Variants in MAML3 observed in about 807,000 individuals in gnomAD.
The protein encoded by MAML3 is mastermind-like protein 3.
A neutral mutation model predicts 101.9 loss-of-function variants in MAML3; 27 were observed. The observed-to-expected ratio is 0.27, with a 90% CI of 0.20 to 0.37. The LOEUF (loss-of-function observed/expected upper bound fraction) is 0.37, where lower values mean the gene tolerates loss of function less well. MAML3 is among the 10% of genes least tolerant of loss of function. The pLI is 1.00. For missense variants in MAML3, 1,316 were observed against 1,444.9 expected (o/e 0.91, Z 1.45); for synonymous variants, 501 against 555.9 (o/e 0.90, Z 1.39).
chr4:140,132,581 C>G (rs1332826782), intron 1 of MAML3, among the ~76,000 whole-genome samples: 1 of 152,208 alleles, frequency 6.6e-6, no homozygotes, highest in African/African-American at 2.4e-5. Flanking sequence ...GAACACTACT[C>G]AGAAGCAATT....
In MAML3 at chr4:140,130,420, G is replaced by C. The variant is rs577040259; in HGVS notation, c.468+22440C>G. Among the ~76,000 whole-genome samples, 3 of 152,310 alleles carry C rather than the reference G, an allele frequency of 2.0e-5. No individual in the cohort carries two copies. The South Asian group carries it at 6.2e-4, about 32-fold the overall frequency. On this transcript the variant is annotated intron_variant, in intron 1 of 4. Transcript: ENST00000509479. ...AGTGGTACAGTATTATGTTGTATGA[G>C]ATAGTCTCCTAGGAAGAAATTGAGA...
At chr4:140,116,531 G>A (rs908080774) in intron 1 of MAML3, among the ~76,000 whole-genome samples, 2 of 152,196 alleles carry the variant, frequency 1.3e-5, no homozygotes, top group Non-Finnish European at 1.5e-5. Flanking sequence ...CACAAGTCAC[G>A]TGGAGCCAAC....
intron 1 of MAML3, among the ~76,000 whole-genome samples, chr4:139,994,343 A>T (rs1398429787): frequency 6.6e-6 from 1 of 152,150 alleles, no homozygotes; most frequent in Non-Finnish European, 1.5e-5. Context: ...TGGGTTCTTA[A>T]TTTAACTTTC....
At chr4:139,815,893 C>T (rs10004279) in intron 2 of MAML3, among the ~76,000 whole-genome samples, 2,237 of 152,062 alleles carry the variant, frequency 0.015, 61 homozygotes, top group African/African-American at 0.051. Context: ...ATACGGACGA[C>T]GATGAGCATA....
intron 1 of MAML3, among the ~76,000 whole-genome samples, chr4:139,983,306 T>A (rs999931388): frequency 3.9e-5 from 6 of 152,184 alleles, no homozygotes; most frequent in Admixed American, 3.9e-4. Flanking sequence ...CTGTTTACCA[T>A]CTCCAAAGTT....
intron 1 of MAML3, among the ~76,000 whole-genome samples, chr4:140,148,942 G>A (rs1211403035): frequency 1.3e-5 from 2 of 152,130 alleles, no homozygotes; most frequent in Non-Finnish European, 2.9e-5. Context: ...CAGTGAAGAG[G>A]TCATGAAAAT....
At chr4:140,037,623 C>A (rs568918619) in intron 1 of MAML3, among the ~76,000 whole-genome samples, 15 of 152,226 alleles carry the variant, frequency 9.9e-5, no homozygotes, top group Admixed American at 4.6e-4. Flanking sequence ...CGCACGTCTT[C>A]ATTCAGCACA....
intron 1 of MAML3, among the ~76,000 whole-genome samples, chr4:140,003,018 C>T (rs1038756086): frequency 6.6e-6 from 1 of 152,188 alleles, no homozygotes; most frequent in South Asian, 2.1e-4. Flanking sequence ...TTTGGATGTC[C>T]AGAAGTCTGA....
At chr4:139,902,263 G>GCGCGCGCACA (rs1182551411) in intron 1 of MAML3, among the ~76,000 whole-genome samples, 62 of 63,942 alleles carry the variant, frequency 9.7e-4, no homozygotes, top group African/African-American at 1.6e-3. Flanking sequence ...GCACACACAC[G>GCGCGCGCACA]CACACACACA....
intron 1 of MAML3, among the ~76,000 whole-genome samples, chr4:139,953,967 A>G (rs966695618): frequency 2.9e-4 from 44 of 152,232 alleles, no homozygotes; most frequent in African/African-American, 1.1e-3. Context: ...CAAGTCAACC[A>G]CACACCTTCA....
Position 139,789,312 on chromosome 4 carries a change from T to C in MAML3, c.2080-58645A>G, listed in dbSNP as rs960115041. On this transcript the variant is annotated intron_variant, in intron 2 of 4. Coordinates refer to ENST00000509479, the MANE Select transcript of MAML3 (RefSeq NM_018717.5). ...TGTTCCACGGAAACACTGGGAGGAT[T>C]AGAATTGATTAGGGGTTGGGGTGGG... Among the ~76,000 whole-genome samples the C allele has an allele frequency of 2.0e-5, 3 of 152,200 alleles. No individual in the cohort carries two copies. The South Asian group carries it at 6.2e-4, about 32-fold the overall frequency.
intron 2 of MAML3, among the ~76,000 whole-genome samples, chr4:139,816,162 G>A (rs1730889516): frequency 6.6e-6 from 1 of 152,166 alleles, no homozygotes; most frequent in African/African-American, 2.4e-5. Context: ...CCAGCGTGGT[G>A]AGTCAACAGC....
intron 2 of MAML3, among the ~76,000 whole-genome samples, chr4:139,755,174 G>A (rs550928686): frequency 2.6e-5 from 4 of 152,224 alleles, no homozygotes; most frequent in Non-Finnish European, 4.4e-5. Context: ...CCGGTTTGCT[G>A]TTCCATATTT....
At chr4:140,118,452 A>G (rs1289249048) in intron 1 of MAML3, among the ~76,000 whole-genome samples, 1 of 152,208 alleles carries the variant, frequency 6.6e-6, no homozygotes, top group African/African-American at 2.4e-5. Flanking sequence ...ATAATAAACA[A>G]TGAAAATGAG....
chr4:139,857,401 C>A lies in MAML3; in HGVS notation c.2079+31956G>T, dbSNP rs141038656. ...AAACCTGAAAGGAAAGTTGCCACTG[C>A]CAGATTCTGATCTAGTGACTTTGGA... On this transcript the variant is annotated intron_variant, in intron 2 of 4. Transcript: ENST00000509479. 4.2e-4 allele frequency among the ~76,000 whole-genome samples: 64 copies of A among 152,198 alleles called. 1 individual carries two copies. The East Asian group carries it at 0.011, about 27-fold the overall frequency.
chr4:139,730,841 T>A, intron 2 of MAML3, 174 bp from the exon 3 acceptor site: 1 of 619,182 alleles, frequency 1.6e-6, no homozygotes, highest in Non-Finnish European at 2.8e-6. Context: ...CGACCTTACC[T>A]GAGTAGAATG....
At chr4:140,006,841 A>G (rs1560864396) in intron 1 of MAML3, among the ~76,000 whole-genome samples, 1 of 152,156 alleles carries the variant, frequency 6.6e-6, no homozygotes, top group Non-Finnish European at 1.5e-5. Flanking sequence ...ACTTACATAG[A>G]GCTTACCCGC....
At chr4:139,783,524 T>G (rs563683384) in intron 2 of MAML3, among the ~76,000 whole-genome samples, 2 of 152,336 alleles carry the variant, frequency 1.3e-5, no homozygotes, top group East Asian at 3.9e-4. Flanking sequence ...TGCTTCCAAG[T>G]GTCAAGCTGA....
At chr4:139,850,242 C>G (rs376917567) in intron 2 of MAML3, among the ~76,000 whole-genome samples, 4 of 152,222 alleles carry the variant, frequency 2.6e-5, no homozygotes, top group Middle Eastern at 3.4e-3. Flanking sequence ...TTAAATAAAG[C>G]AAAACAACAT....
Sources: allele counts gnomAD v4.1 joint callset (sites outside exome capture counted in the v4.1 genomes callset), GRCh38; gene constraint gnomAD v4.1.1; transcripts MANE v1.5; gene names NCBI Gene and HGNC (gene_info 2026-07-23, HGNC 2026-07-21).